Variants in KCNQ5 observed in about 807,000 individuals in gnomAD.
KCNQ5 encodes the protein potassium voltage-gated channel subfamily KQT member 5.
KCNQ5 carries 30 observed loss-of-function variants against 98.2 expected under a neutral mutation model. The observed-to-expected ratio is 0.31, with a 90% confidence interval of 0.23 to 0.41. The LOEUF is 0.41. KCNQ5 is among the 10% of genes least tolerant of loss of function. KCNQ5 has a pLI of 1.00. For synonymous variants in KCNQ5, 458 were observed against 449.4 expected (o/e 1.02, Z -0.24); for missense variants, 835 against 1,182.5 (o/e 0.71, Z 4.31).
intron 1 of KCNQ5, among the ~76,000 whole-genome samples, chr6:72,725,772 C>T (rs1770230839): frequency 6.6e-6 from 1 of 152,144 alleles, no homozygotes; most frequent in South Asian, 2.1e-4. Context: ...CAAAACTTCA[C>T]ATTTTCTCCC....
At chr6:73,146,261 C>G (rs9351975) in intron 10 of KCNQ5, among the ~76,000 whole-genome samples, 1 of 152,188 alleles carries the variant, frequency 6.6e-6, no homozygotes, top group South Asian at 2.1e-4. Flanking sequence ...ATAACTCCCT[C>G]TCAGTCATTT....
At chr6:73,128,218 T>A (rs564937643) in intron 9 of KCNQ5, among the ~76,000 whole-genome samples, 3 of 152,370 alleles carry the variant, frequency 2.0e-5, no homozygotes, top group African/African-American at 7.2e-5. Context: ...AGCCTGCTGT[T>A]TTTTCCTCTA....
intron 1 of KCNQ5, among the ~76,000 whole-genome samples, chr6:72,630,329 T>C (rs1370141207): frequency 1.3e-5 from 2 of 152,214 alleles, no homozygotes; most frequent in Admixed American, 6.5e-5. Context: ...TCTCATTTAT[T>C]GTACCTGTGA....
rs1776165925 is a variant in KCNQ5 at position 73,130,122 on chromosome 6, T to C, written c.1248-3299T>C. On this transcript the variant is annotated intron_variant, in intron 9 of 13. Transcript: ENST00000370398. ...CCTTGTGGTTGGACAACTGCTGAGC[T>C]GCTGCACGCACTGGATTGTTATGGC... is the stretch of plus-strand genomic sequence containing the variant. Among the ~76,000 whole-genome samples, 6 of 152,382 alleles carry C rather than the reference T, an allele frequency of 3.9e-5. No individual in the cohort carries two copies. In the South Asian group the frequency reaches 1.2e-3, roughly 32 times the overall value.
chr6:72,827,522 A>G (rs1361404626), intron 1 of KCNQ5, among the ~76,000 whole-genome samples: 1 of 152,036 alleles, frequency 6.6e-6, no homozygotes, highest in East Asian at 1.9e-4. Context: ...CCATTTGTAT[A>G]TCTTCCTTTT....
chr6:72,712,606 A>G (rs943544431), intron 1 of KCNQ5, among the ~76,000 whole-genome samples: 1 of 152,190 alleles, frequency 6.6e-6, no homozygotes, highest in Admixed American at 6.6e-5. Context: ...TAACATCATC[A>G]TTCTTTGTAT....
intron 2 of KCNQ5, among the ~76,000 whole-genome samples, chr6:73,020,894 A>G (rs4706522): frequency 0.77 from 116,746 of 151,450 alleles, 46,871 homozygotes; most frequent in South Asian, 0.92. Context: ...TTGCTGCACC[A>G]ATTTCCCTTA....
intron 6 of KCNQ5, among the ~76,000 whole-genome samples, chr6:73,110,994 C>A (rs7751395): frequency 0.92 from 139,274 of 152,212 alleles, 63,750 homozygotes; most frequent in Middle Eastern, 0.95. Flanking sequence ...CACACACACA[C>A]AAAAAAATTT....
intron 1 of KCNQ5, among the ~76,000 whole-genome samples, chr6:72,748,505 A>G (rs919210347): frequency 6.6e-6 from 1 of 152,132 alleles, no homozygotes; most frequent in East Asian, 1.9e-4. Flanking sequence ...AAATTTGAGA[A>G]CCACAGATGA....
At chr6:72,661,011 T>A (rs909078971) in intron 1 of KCNQ5, among the ~76,000 whole-genome samples, 4 of 152,112 alleles carry the variant, frequency 2.6e-5, no homozygotes, top group African/African-American at 9.7e-5. Context: ...ATACTTTTTT[T>A]CATAAAGTTT....
intron 5 of KCNQ5, among the ~76,000 whole-genome samples, chr6:73,097,455 A>G (rs1354185570): frequency 6.6e-6 from 1 of 152,220 alleles, no homozygotes; most frequent in Non-Finnish European, 1.5e-5. Flanking sequence ...CACAATAAAA[A>G]GCATATATTA....
At chr6:73,086,666 T>A (rs967028702) in intron 5 of KCNQ5, among the ~76,000 whole-genome samples, 1 of 152,216 alleles carries the variant, frequency 6.6e-6, no homozygotes, top group African/African-American at 2.4e-5. Context: ...ATGCTAGATG[T>A]TGGGGAAATA....
intron 3 of KCNQ5, among the ~76,000 whole-genome samples, chr6:73,052,103 A>G (rs1319088740): frequency 6.6e-6 from 1 of 152,240 alleles, no homozygotes; most frequent in Non-Finnish European, 1.5e-5. Flanking sequence ...AATCACAAAT[A>G]TAACAGCAGA....
rs146818948 is a variant in KCNQ5 at position 72,888,004 on chromosome 6, T to C, written c.399-115904T>C. On this transcript the variant is annotated intron_variant, in intron 1 of 13. Transcript: ENST00000370398. ...AAATATAACACATTAATATTAAAAATAAAATTGTGAGAAAAATAACTACCA... is the reference window on the plus strand; with the variant it reads ...AAATATAACACATTAATATTAAAAACAAAATTGTGAGAAAAATAACTACCA... Among the ~76,000 whole-genome samples, 1,059 of 152,076 alleles carry C rather than the reference T, an allele frequency of 7.0e-3. 16 individuals carry two copies. The highest frequency in any genetic ancestry group is 0.021 in the Admixed American group (317 of 15,274).
chr6:72,681,061 G>C (rs142784562), intron 1 of KCNQ5, among the ~76,000 whole-genome samples: 1 of 152,330 alleles, frequency 6.6e-6, no homozygotes, highest in East Asian at 1.9e-4. Flanking sequence ...GGCTATGAAA[G>C]CCCTGCTTCT....
intron 1 of KCNQ5, among the ~76,000 whole-genome samples, chr6:72,842,827 G>A (rs1401769662): frequency 6.6e-6 from 1 of 152,050 alleles, no homozygotes; most frequent in African/African-American, 2.4e-5. Flanking sequence ...ACTTTTTGAT[G>A]GGGCTCTTTG....
intron 6 of KCNQ5, among the ~76,000 whole-genome samples, chr6:73,109,885 T>G (rs2150425275): frequency 6.6e-6 from 1 of 152,304 alleles, no homozygotes; most frequent in South Asian, 2.1e-4. Context: ...ATCAGACCAC[T>G]GCGTATTTTA....
intron 10 of KCNQ5, among the ~76,000 whole-genome samples, chr6:73,144,385 A>G (rs1326135406): frequency 6.6e-6 from 1 of 152,228 alleles, no homozygotes; most frequent in African/African-American, 2.4e-5. Flanking sequence ...CCTGGGAAAA[A>G]TTAATCTCTC....
intron 1 of KCNQ5, among the ~76,000 whole-genome samples, chr6:72,985,313 A>G (rs966729848): frequency 3.9e-5 from 6 of 152,250 alleles, no homozygotes; most frequent in Non-Finnish European, 5.9e-5. Flanking sequence ...GTTTTTAAAT[A>G]TTGAGAAAAT....
Sources: allele counts gnomAD v4.1 joint callset (sites outside exome capture counted in the v4.1 genomes callset), GRCh38; gene constraint gnomAD v4.1.1; transcripts MANE v1.5; gene names NCBI Gene and HGNC (gene_info 2026-07-23, HGNC 2026-07-21).